ETFA: variants seen among roughly 807,000 people sequenced by gnomAD.
ETFA encodes the protein electron transfer flavoprotein subunit alpha, also known as electron transfer flavoprotein subunit alpha, mitochondrial.
Under a neutral mutation model 46.2 loss-of-function variants are expected in ETFA, and 22 were observed. The observed-to-expected ratio is 0.48, with a 90% CI of 0.34 to 0.68. The LOEUF (loss-of-function observed/expected upper bound fraction) is 0.68, where lower values mean the gene tolerates loss of function less well. Ranked by LOEUF, ETFA falls within the 30% of genes least tolerant of loss-of-function variation. The pLI is 0.01. For synonymous variants in ETFA, 131 were observed against 139.9 expected (o/e 0.94, Z 0.45); for missense variants, 345 against 401.1 (o/e 0.86, Z 1.19).
chr15:76,307,489 C>CTTT (rs144568141), intron 1 of ETFA, among the ~76,000 whole-genome samples: 1 of 118,690 alleles, frequency 8.4e-6, no homozygotes, highest in African/African-American at 3.4e-5. Flanking sequence ...CCATCTTAAC[C>CTTT]TTTTTTTTTT....
chr15:76,255,921 T>C (rs1337609668), intron 9 of ETFA, among the ~76,000 whole-genome samples: 1 of 152,016 alleles, frequency 6.6e-6, no homozygotes, highest in Non-Finnish European at 1.5e-5. Flanking sequence ...GTTTTTTTTT[T>C]TTAAAGCCAC....
chr15:76,260,199 T>C, intron 9 of ETFA: 1 of 1,390,870 alleles, frequency 7.2e-7, no homozygotes, highest in Non-Finnish European at 1.0e-6. Flanking sequence ...TTCCTTTAGT[T>C]CGCTGTTGAT....
Position 76,274,446 on chromosome 15 carries a change from A to T in ETFA, c.782T>A (p.Met261Lys). Reference protein sequence around the residue: ...AVDAGFVPNDMQVGQTGKIVA... With the variant: ...AVDAGFVPNDKQVGQTGKIVA... ...TATTTTTCCCGTCTGTCCAACTTGC[A>T]TGTCATTGGGAACAAAGCCAGCATC... The change falls in exon 9 of 12, where the codon ATG (methionine) becomes AAG (lysine). Residue 261 changes from methionine to lysine, a missense_variant. Physicochemically the swap from Met to Lys is moderately conservative, Grantham distance 95. Coordinates refer to ENST00000557943, the MANE Select transcript of ETFA (RefSeq NM_000126.4). 2 of 1,612,674 alleles carry T rather than the reference A, an allele frequency of 1.2e-6. No homozygotes were observed.
At position 76,225,944 on chromosome 15, in the gene ETFA, CAA is replaced by C. The variant is rs768345135; in HGVS notation, c.883-17_883-16del. On this transcript the variant is annotated splice_polypyrimidine_tract_variant and intron_variant, in intron 10 of 11. Transcript: ENST00000557943. The stretch of plus-strand genomic sequence containing the variant: ...GCCACAATTGTCTGTGAAATAAAAA[CAA>C]AGAGTTTGACTTTTACCAAGAAAAC... 4 of 1,549,830 alleles carry C rather than the reference CAA, an allele frequency of 2.6e-6. No homozygotes were observed. The East Asian group carries it at 6.7e-5, about 26-fold the overall frequency.
chr15:76,302,967 T>C (rs1477456307), intron 1 of ETFA, among the ~76,000 whole-genome samples: 1 of 152,132 alleles, frequency 6.6e-6, no homozygotes, highest in African/African-American at 2.4e-5. Flanking sequence ...AGATGTGTAC[T>C]ACCACACAGG....
intron 9 of ETFA, among the ~76,000 whole-genome samples, chr15:76,271,220 T>C (rs565751557): frequency 6.0e-4 from 90 of 150,418 alleles, no homozygotes; most frequent in African/African-American, 2.1e-3. Context: ...ATTTACATCA[T>C]TTCAAAGTAC....
Position 76,286,353 on chromosome 15 carries a change from CT to C in ETFA, c.562+17del. 1 of 1,497,364 alleles carries C rather than the reference CT, an allele frequency of 6.7e-7. No homozygotes were observed. The highest frequency in any genetic ancestry group is 1.1e-5 in the South Asian group (1 of 87,124). 92.8% of individuals were successfully genotyped at this position (1,497,364 alleles called of 1,614,324 possible). A position where few individuals can be genotyped will look rare whatever the true frequency, so the allele number is the denominator to read the frequency against. On this transcript the variant is annotated intron_variant, in intron 6 of 11. Coordinates refer to ENST00000557943, the MANE Select transcript of ETFA (RefSeq NM_000126.4). ...AAAAGTAAGAAACAAAACAAAAAAA[CT>C]CCAAATGAACACTCACCCTTTTCTG...
At chr15:76,280,721 A>G (rs775892456) in intron 8 of ETFA, among the ~76,000 whole-genome samples, 2 of 151,916 alleles carry the variant, frequency 1.3e-5, no homozygotes, top group Non-Finnish European at 2.9e-5. Flanking sequence ...TTGCCTCCCA[A>G]TTTTATCTCT....
At chr15:76,262,823 C>A (rs2039430487) in intron 9 of ETFA, among the ~76,000 whole-genome samples, 1 of 152,068 alleles carries the variant, frequency 6.6e-6, no homozygotes, top group South Asian at 2.1e-4. Flanking sequence ...AAGATAAAAT[C>A]TTGAAAGCAA....
At chr15:76,275,668 C>CT (rs1029946511) in intron 8 of ETFA, among the ~76,000 whole-genome samples, 8 of 152,182 alleles carry the variant, frequency 5.3e-5, no homozygotes, top group African/African-American at 1.9e-4. Context: ...TGCCCTTGTT[C>CT]TTTTTTCCTA....
intron 9 of ETFA, among the ~76,000 whole-genome samples, chr15:76,256,004 T>A (rs2039342242): frequency 6.6e-6 from 1 of 151,988 alleles, no homozygotes; most frequent in African/African-American, 2.4e-5. Context: ...ACACCTGTAA[T>A]CCCAGCACTT....
chr15:76,266,906 A>C (rs1346796475), intron 9 of ETFA, among the ~76,000 whole-genome samples: 2 of 152,106 alleles, frequency 1.3e-5, no homozygotes, highest in East Asian at 3.9e-4. Context: ...TCCGTTTAAA[A>C]AAAAAAAAAA....
intron 9 of ETFA, among the ~76,000 whole-genome samples, chr15:76,243,723 T>C (rs2039215813): frequency 1.3e-5 from 2 of 151,422 alleles, no homozygotes; most frequent in South Asian, 4.2e-4. Context: ...CACTTGAACC[T>C]GGGAGGCAGA....
intron 9 of ETFA, among the ~76,000 whole-genome samples, chr15:76,243,659 C>T (rs879308497): frequency 4.6e-5 from 7 of 151,732 alleles, no homozygotes; most frequent in African/African-American, 9.7e-5. Context: ...ATTAGCCGGG[C>T]GTGGTGGTAC....
chr15:76,253,105 G>A (rs941001987), intron 9 of ETFA, among the ~76,000 whole-genome samples: 2 of 151,864 alleles, frequency 1.3e-5, no homozygotes, highest in African/African-American at 2.4e-5. Flanking sequence ...TCAACTTTTC[G>A]TAAGTCTGAA....
chr15:76,218,879 A>T (rs1286399756), intron 11 of ETFA, among the ~76,000 whole-genome samples: 1 of 152,164 alleles, frequency 6.6e-6, no homozygotes, highest in Non-Finnish European at 1.5e-5. Context: ...TGTGGGAGTG[A>T]CAGAGGAGTT....
At chr15:76,260,868 G>C (rs945833084) in intron 9 of ETFA, 4 of 1,611,734 alleles carry the variant, frequency 2.5e-6, no homozygotes, top group Non-Finnish European at 3.4e-6. Context: ...GCAGGTAAAG[G>C]GGGGCACAAG....
At chr15:76,233,325 C>CTTTTTTTTTTTTTTTTTTTTTT (rs66595585) in intron 9 of ETFA, among the ~76,000 whole-genome samples, 1 of 84,472 alleles carries the variant, frequency 1.2e-5, no homozygotes. Flanking sequence ...ATTCAATAGG[C>CTTTTTTTTTTTTTTTTTTTTTT]TTTTTTTTTT....
At chr15:76,263,103 A>G (rs962062464) in intron 9 of ETFA, among the ~76,000 whole-genome samples, 1 of 152,174 alleles carries the variant, frequency 6.6e-6, no homozygotes. Flanking sequence ...GCTGTAGCTC[A>G]TTTGCTTGAT....
Sources: allele counts gnomAD v4.1 joint callset (sites outside exome capture counted in the v4.1 genomes callset), GRCh38; gene constraint gnomAD v4.1.1; transcripts MANE v1.5; gene names NCBI Gene and HGNC (gene_info 2026-07-23, HGNC 2026-07-21).